LDAF1: variants seen among roughly 807,000 people sequenced by gnomAD.
The protein encoded by LDAF1 is lipid droplet assembly factor 1, also known as PROMETHIN.
In LDAF1, 7 loss-of-function variants were observed where a neutral mutation model predicts 13.5. The observed-to-expected ratio is 0.52, with a 90% CI of 0.29 to 0.97. The LOEUF is 0.97. LDAF1 is among the 50% of genes least tolerant of loss of function. The pLI is 0.07. For synonymous variants in LDAF1, 69 were observed against 77.1 expected (o/e 0.89, Z 0.55); for missense variants, 148 against 193.2 (o/e 0.77, Z 1.39).
chr16:21,159,467 C>T (rs1350103002), intron 1 of LDAF1: 6 of 1,606,464 alleles, frequency 3.7e-6, no homozygotes, highest in East Asian at 4.5e-5. Context: ...GTGACCCCTC[C>T]TCCCAGCTTG....
intron 2 of LDAF1, 36 bp from the exon 3 acceptor site, chr16:21,170,401 G>A (rs2093075458): frequency 6.2e-7 from 1 of 1,611,992 alleles, no homozygotes; most frequent in Non-Finnish European, 8.5e-7. Flanking sequence ...GTTCCGATGT[G>A]TTACTTATCC....
rs780650262 is a variant in LDAF1, at chr16:21,161,296, A to G, written c.96+18A>G. On this transcript the variant is annotated intron_variant, in intron 2 of 4. Transcript: ENST00000233047. ...ACTCAAAGGTCAGTTTCCAATCACT[A>G]TGTATAATGGAAAATCCCAATATAA... 3.7e-5 allele frequency: 60 copies of G among 1,612,226 alleles called. No homozygotes were observed. Among genetic ancestry groups the G allele is most frequent in the Non-Finnish European group, 4.7e-5 (55 of 1,179,688 alleles).
chr16:21,178,326 A>C, intron 4 of LDAF1: 5 of 985,382 alleles, frequency 5.1e-6, no homozygotes, highest in Non-Finnish European at 6.0e-6. Context: ...TAATCTTCCA[A>C]ACCAGCCTGA....
intron 3 of LDAF1, among the ~76,000 whole-genome samples, chr16:21,171,197 A>G (rs1200150745): frequency 6.6e-6 from 1 of 152,172 alleles, no homozygotes; most frequent in Non-Finnish European, 1.5e-5. Flanking sequence ...AAGTTCCACT[A>G]CCAACAGTCA....
At position 21,170,583 on chromosome 16, in the gene LDAF1, G is replaced by A. The variant is rs780291817; in HGVS notation, c.243G>A (p.Leu81=). 84 of 1,614,022 alleles carry A rather than the reference G, an allele frequency of 5.2e-5. No individual in the cohort carries two copies. In the Admixed American group the frequency reaches 1.4e-3, roughly 26 times the overall value. The change falls in exon 3 of 5, where the codon CTG becomes CTA. Residue 81 remains leucine, a synonymous_variant. Coordinates refer to ENST00000233047, the MANE Select transcript of LDAF1 (RefSeq NM_001301771.2). Reference sequence around the variant, plus strand: ...TGGTGCTTACCACCCTGGCTGCTCTGCTGGGGGTCATAATATTGGAAGGTA... The same window carrying A: ...TGGTGCTTACCACCCTGGCTGCTCTACTGGGGGTCATAATATTGGAAGGTA... The part of the protein sequence containing the change: ...LIVVLTTLAA[L]LGVIILEGLV...
At chr16:21,163,512 G>A (rs1410532520) in intron 2 of LDAF1, among the ~76,000 whole-genome samples, 2 of 152,154 alleles carry the variant, frequency 1.3e-5, no homozygotes, top group African/African-American at 4.8e-5. Flanking sequence ...GGGTGTGGTG[G>A]TGTGCGCCTG....
At chr16:21,160,120 T>C in intron 1 of LDAF1, 1 of 269,660 alleles carries the variant, frequency 3.7e-6, no homozygotes, top group Non-Finnish European at 5.7e-6. Flanking sequence ...GATAAATAAA[T>C]GTGAGGATCT....
intron 4 of LDAF1, 48 bp downstream of exon 4, chr16:21,174,196 T>C: frequency 1.3e-6 from 2 of 1,539,232 alleles, no homozygotes; most frequent in East Asian, 2.4e-5. Flanking sequence ...CTTTCTACTT[T>C]TTTGTTTTTT....
At chr16:21,167,000 C>A in intron 2 of LDAF1, 3 of 1,252,322 alleles carry the variant, frequency 2.4e-6, no homozygotes, top group Non-Finnish European at 3.4e-6. Flanking sequence ...TAGCAGGAGG[C>A]AGTGAGGTCA....
At chr16:21,169,014 TATA>T (rs1832282662) in intron 2 of LDAF1, 2 of 145,806 alleles carry the variant, frequency 1.4e-5, no homozygotes, top group African/African-American at 5.1e-5. Flanking sequence ...ATATTATAAT[TATA>T]ATTATAATGC....
At chr16:21,177,749 C>T (rs1203740312) in intron 4 of LDAF1, among the ~76,000 whole-genome samples, 1 of 151,140 alleles carries the variant, frequency 6.6e-6, no homozygotes, top group East Asian at 2.0e-4. Flanking sequence ...TCCCGAGTAG[C>T]TGGGATTATA....
chr16:21,166,983 G>C (rs1256897925), intron 2 of LDAF1: 2 of 1,426,872 alleles, frequency 1.4e-6, no homozygotes, highest in African/African-American at 2.8e-5. Flanking sequence ...TTGTCAGAAT[G>C]GTGGGGTAGC....
chr16:21,159,015 TACAC>T (rs563689878), intron 1 of LDAF1, among the ~76,000 whole-genome samples: 3 of 144,174 alleles, frequency 2.1e-5, no homozygotes, highest in East Asian at 2.1e-4. Context: ...CACACACACA[TACAC>T]ACACACACTA....
At chr16:21,159,031 C>T (rs1271225430) in intron 1 of LDAF1, among the ~76,000 whole-genome samples, 1 of 151,734 alleles carries the variant, frequency 6.6e-6, no homozygotes, top group Non-Finnish European at 1.5e-5. Context: ...CACACACTAC[C>T]ACTAGATTAG....
At chr16:21,160,418 C>G (rs2092957160) in intron 1 of LDAF1, among the ~76,000 whole-genome samples, 1 of 152,078 alleles carries the variant, frequency 6.6e-6, no homozygotes, top group Admixed American at 6.6e-5. Context: ...TGAGGTCTGC[C>G]CCCGAGGTGC....
At chr16:21,169,499 G>A (rs1434692834) in intron 2 of LDAF1, among the ~76,000 whole-genome samples, 1 of 152,022 alleles carries the variant, frequency 6.6e-6, no homozygotes. Context: ...TGTAGAGATG[G>A]AATCTTGCTG....
chr16:21,161,474 T>G (rs1330816621), intron 2 of LDAF1, among the ~76,000 whole-genome samples, 196 bp downstream of exon 2: 4 of 152,262 alleles, frequency 2.6e-5, no homozygotes, highest in African/African-American at 7.2e-5. Context: ...TCAGCCATTG[T>G]ATCCATCTTT....
Position 21,180,432 on chromosome 16 carries a change from G to T in LDAF1, c.*876G>T, listed in dbSNP as rs2093172421. The T allele has an allele frequency of 6.6e-6, 1 of 151,548 alleles. No individual in the cohort carries two copies. Among genetic ancestry groups the T allele is most frequent in the Non-Finnish European group, 1.5e-5 (1 of 67,894 alleles). The allele number at this position is 151,548 out of a possible 1,614,324, so 9.4% of individuals were successfully genotyped here. On this transcript the variant is annotated 3_prime_UTR_variant, in exon 5 of 5. Coordinates refer to ENST00000233047, the MANE Select transcript of LDAF1 (RefSeq NM_001301771.2). The stretch of plus-strand genomic sequence containing the variant: ...TTGTATTTTTTTTAGTACAGATGGG[G>T]TTTCACCATGTTGGTCAGGCTAGTC...
chr16:21,166,955 C>G (rs2093030062), intron 2 of LDAF1: 1 of 1,515,682 alleles, frequency 6.6e-7, no homozygotes, highest in African/African-American at 1.4e-5. Context: ...AGCGGAATAG[C>G]AAGCTCTTTG....
Sources: gnomAD v4.1 joint callset for allele counts (sites outside exome capture counted in the v4.1 genomes callset) on GRCh38, gnomAD v4.1.1 for gene constraint, MANE v1.5 for transcripts, NCBI Gene and HGNC (gene_info 2026-07-23, HGNC 2026-07-21) for gene names.